HK2: variants seen among roughly 807,000 people sequenced by gnomAD.
The protein encoded by HK2 is hexokinase-2.
HK2 carries 42 observed loss-of-function variants against 92.9 expected under a neutral mutation model. The observed-to-expected ratio is 0.45, with a 90% CI of 0.35 to 0.58. The LOEUF (loss-of-function observed/expected upper bound fraction) is 0.58, where lower values mean the gene tolerates loss of function less well. Ranked by LOEUF, HK2 falls within the 20% of genes least tolerant of loss-of-function variation. The pLI is 0.00. For synonymous variants in HK2, 422 were observed against 468.0 expected (o/e 0.90, Z 1.27); for missense variants, 978 against 1,245.1 (o/e 0.79, Z 3.23).
chr2:74,874,179 G>A, intron 6 of HK2, 87 bp from the exon 7 acceptor site: 1 of 1,535,978 alleles, frequency 6.5e-7, no homozygotes, highest in South Asian at 1.1e-5. Flanking sequence ...ATCCTGGCCG[G>A]GCAGTCTCGG....
chr2:74,871,700 A>T (rs994652111), intron 3 of HK2, among the ~76,000 whole-genome samples: 10 of 152,230 alleles, frequency 6.6e-5, no homozygotes, highest in East Asian at 1.9e-4. Flanking sequence ...AAACAAAGAT[A>T]ACTTCTTTGA....
chr2:74,888,240 A>G (rs1689588423), intron 16 of HK2, among the ~76,000 whole-genome samples, 182 bp downstream of exon 16: 1 of 152,246 alleles, frequency 6.6e-6, no homozygotes, highest in Non-Finnish European at 1.5e-5. Context: ...TTAAGGGCAA[A>G]CAGAGCATTC....
At chr2:74,868,052 C>T (rs140341977) in intron 3 of HK2, 4,630 of 448,420 alleles carry the variant, frequency 0.01, 24 homozygotes, top group Non-Finnish European at 0.015. Flanking sequence ...TGTCACATCT[C>T]GGGCCTCAGG....
chr2:74,870,493 TAACCCCCACCTCCAGTC>T, intron 3 of HK2, among the ~76,000 whole-genome samples: 1 of 149,994 alleles, frequency 6.7e-6, no homozygotes, highest in African/African-American at 2.5e-5. Flanking sequence ...TTCCCCCTTC[TAACCCCCACCTCCAGTC>T]TTTGATGATT....
Position 74,880,294 on chromosome 2 carries a change from G to T in HK2, c.1295G>T (p.Arg432Leu). 1 of 1,614,146 alleles carries T rather than the reference G, an allele frequency of 6.2e-7. No homozygotes were observed. The highest frequency in any genetic ancestry group is 1.3e-5 in the African/African-American group (1 of 75,058). ...GCCAAGCGTCTACATAAGACCGTGC[G>T]GCGGCTGGTGCCCGGCTGCGATGTC... ...HFAKRLHKTVRRLVPGCDVRF... is the reference protein window; with the variant it reads ...HFAKRLHKTVLRLVPGCDVRF... The change falls in exon 10 of 18, where the codon CGG becomes CTG. Residue 432 changes from arginine to leucine, a missense_variant. By Grantham distance (102) the Arg-to-Leu change is moderately radical. Coordinates refer to ENST00000290573, the MANE Select transcript of HK2 (RefSeq NM_000189.5).
At chr2:74,876,035 A>C (rs185102356) in intron 7 of HK2, among the ~76,000 whole-genome samples, 3 of 152,218 alleles carry the variant, frequency 2.0e-5, no homozygotes, top group Non-Finnish European at 4.4e-5. Flanking sequence ...TAGAATAAAA[A>C]CTTAGCAACA....
At chr2:74,859,035 G>C (rs3771778) in intron 2 of HK2, among the ~76,000 whole-genome samples, 11 of 152,272 alleles carry the variant, frequency 7.2e-5, no homozygotes, top group African/African-American at 2.4e-4. Flanking sequence ...ACTGAATTTG[G>C]TGTCAGCCAG....
intron 1 of HK2, among the ~76,000 whole-genome samples, chr2:74,848,542 C>A (rs1688495993): frequency 6.6e-6 from 1 of 152,140 alleles, no homozygotes; most frequent in Non-Finnish European, 1.5e-5. Context: ...AATGCCATAA[C>A]ATGGAAGATG....
Position 74,882,141 on chromosome 2 carries a change from T to C in HK2, c.1741T>C (p.Cys581Arg). ...GDELFDHIVQ[C>R]IADFLEYMGM... Reference sequence around the variant, plus strand: ...GCAGCTCTTTGACCACATTGTCCAGTGCATCGCGGACTTCCTCGAGTACAT... The same window carrying C: ...GCAGCTCTTTGACCACATTGTCCAGCGCATCGCGGACTTCCTCGAGTACAT... The change falls in exon 12 of 18, where the codon TGC becomes CGC. Residue 581 changes from cysteine to arginine, a missense_variant. Cys to Arg is a radical substitution (Grantham distance 180, BLOSUM62 -3). This residue lies in a region of HK2 where 742 missense variants were observed against 922.5 expected (regional missense o/e 0.80). Transcript: ENST00000290573. 1 of 1,614,186 alleles carries C rather than the reference T, an allele frequency of 6.2e-7. No homozygotes were observed. Among genetic ancestry groups the C allele is most frequent in the Non-Finnish European group, 8.5e-7 (1 of 1,180,014 alleles).
chr2:74,855,359 T>C (rs1688669996), intron 2 of HK2, among the ~76,000 whole-genome samples: 1 of 152,184 alleles, frequency 6.6e-6, no homozygotes, highest in South Asian at 2.1e-4. Context: ...TGTTTAATCA[T>C]CTTATTTGGA....
At chr2:74,845,473 C>T (rs1688414329) in intron 1 of HK2, among the ~76,000 whole-genome samples, 1 of 152,234 alleles carries the variant, frequency 6.6e-6, no homozygotes, top group Non-Finnish European at 1.5e-5. Flanking sequence ...ATCTCCTGGA[C>T]CCTGGACAGG....
rs1688119195 is a variant in HK2 at position 74,834,986 on chromosome 2, G to GCT, written c.63+343_63+344insCT. 6.6e-6 allele frequency among the ~76,000 whole-genome samples: 1 copy of GCT among 152,212 alleles called. No individual in the cohort carries two copies. Among genetic ancestry groups the GCT allele is most frequent in the Non-Finnish European group, 1.5e-5 (1 of 68,046 alleles). On this transcript the variant is annotated intron_variant, in intron 1 of 17. Transcript: ENST00000290573. The surrounding 1 kb of genome is among the most constrained non-coding windows in gnomAD (Gnocchi z 4.2). ...AGGGATTGCTGCGCCCACGTGGGAG[G>GCT]GAGCCCCCTTCTGCAGCGCGAGTTC...
At chr2:74,859,691 C>T (rs1688775245) in intron 2 of HK2, among the ~76,000 whole-genome samples, 1 of 152,162 alleles carries the variant, frequency 6.6e-6, no homozygotes, top group South Asian at 2.1e-4. Context: ...ATACAACCTC[C>T]ATCAGAAAAG....
chr2:74,872,497 TGTGGTGGTG>T, intron 4 of HK2, 78 bp downstream of exon 4: 1 of 1,506,580 alleles, frequency 6.6e-7, no homozygotes, highest in South Asian at 1.1e-5. Flanking sequence ...AGCCACCTGC[TGTGGTGGTG>T]GTGGTAGCAC....
At chr2:74,839,981 A>G (rs1278635109) in intron 1 of HK2, among the ~76,000 whole-genome samples, 1 of 82,098 alleles carries the variant, frequency 1.2e-5, no homozygotes, top group African/African-American at 5.0e-5. Context: ...TTTGAGATGG[A>G]GTCTCACTCT....
chr2:74,848,847 A>G (rs1391116181), intron 1 of HK2, among the ~76,000 whole-genome samples: 2 of 152,154 alleles, frequency 1.3e-5, no homozygotes, highest in African/African-American at 2.4e-5. Flanking sequence ...GCAGAATGAG[A>G]TGGGCGCTTC....
chr2:74,872,430 C>T lies in HK2; in HGVS notation c.495+11C>T, dbSNP rs764942694. The T allele has an allele frequency of 1.2e-6, 2 of 1,613,806 alleles. No homozygotes were observed. Among genetic ancestry groups the T allele is most frequent in the South Asian group, 1.1e-5 (1 of 91,064 alleles). On this transcript the variant is annotated intron_variant, in intron 4 of 17. Coordinates refer to ENST00000290573, the MANE Select transcript of HK2 (RefSeq NM_000189.5). ...ACTAAACTAGACGAGGTAAGATGGG[C>T]TCCTCAGACACTTGTTGCTTCACTC...
At chr2:74,841,075 C>G (rs1044842677) in intron 1 of HK2, among the ~76,000 whole-genome samples, 10 of 151,972 alleles carry the variant, frequency 6.6e-5, no homozygotes, top group Admixed American at 5.2e-4. Flanking sequence ...GGGACAGATA[C>G]GTTTTTTGTG....
intron 5 of HK2, 60 bp downstream of exon 5, chr2:74,873,431 C>T: frequency 9.0e-7 from 1 of 1,106,864 alleles, no homozygotes; most frequent in Non-Finnish European, 1.4e-6. Flanking sequence ...CCTGAAGACT[C>T]CCTGAGTGTC....
Sources: gnomAD v4.1 joint callset for allele counts (sites outside exome capture counted in the v4.1 genomes callset) on GRCh38, gnomAD v4.1.1 for gene constraint, gnomAD v4.1.1 regional missense constraint, Gnocchi (gnomAD v3.1) non-coding constraint, MANE v1.5 for transcripts, NCBI Gene and HGNC (gene_info 2026-07-23, HGNC 2026-07-21) for gene names.